Variants in AGO2 observed in about 807,000 individuals in gnomAD.
AGO2 encodes the protein protein argonaute-2.
In AGO2, 5 loss-of-function variants were observed where a neutral mutation model predicts 102.3. The observed-to-expected ratio is 0.05, with a 90% CI of 0.03 to 0.10. The LOEUF is 0.10. Among genes scored for constraint, AGO2 ranks in the 10% least tolerant of loss-of-function variants. AGO2 has a pLI of 1.00. For synonymous variants in AGO2, 449 were observed against 473.1 expected (o/e 0.95, Z 0.66); for missense variants, 541 against 1,183.7 (o/e 0.46, Z 7.97).
At chr8:140,615,070 T>C (rs1304354207) in intron 1 of AGO2, among the ~76,000 whole-genome samples, 2 of 152,170 alleles carry the variant, frequency 1.3e-5, no homozygotes, top group African/African-American at 4.8e-5. Context: ...AAACACAGCA[T>C]TTAAAACGTT....
intron 2 of AGO2, among the ~76,000 whole-genome samples, chr8:140,580,030 C>T (rs979758464): frequency 1.1e-5 from 1 of 89,802 alleles, no homozygotes; most frequent in East Asian, 2.0e-4. Flanking sequence ...GCAGCCCACC[C>T]GTGCTTCTCG....
intron 1 of AGO2, among the ~76,000 whole-genome samples, chr8:140,627,038 T>C (rs944526252): frequency 3.9e-5 from 6 of 152,020 alleles, no homozygotes; most frequent in Non-Finnish European, 7.4e-5. Flanking sequence ...ACACTGATCA[T>C]CCCGTCAATC....
intron 4 of AGO2, among the ~76,000 whole-genome samples, chr8:140,561,997 G>A (rs569846277): frequency 1.3e-5 from 2 of 152,188 alleles, no homozygotes; most frequent in African/African-American, 2.4e-5. Context: ...CCCAGCAATC[G>A]CAAGTGTGGC....
chr8:140,615,938 C>A (rs1399269330), intron 1 of AGO2, among the ~76,000 whole-genome samples: 3 of 152,200 alleles, frequency 2.0e-5, no homozygotes, highest in East Asian at 3.8e-4. Context: ...ATATCTGTTC[C>A]CATTCTGAGG....
intron 1 of AGO2, among the ~76,000 whole-genome samples, chr8:140,597,099 T>C (rs1169316132): frequency 4.6e-5 from 7 of 152,134 alleles, no homozygotes; most frequent in Non-Finnish European, 1.0e-4. Context: ...ACAGAGGAAC[T>C]GTATAGAAGA....
At chr8:140,612,306 ATC>A (rs1297953331) in intron 1 of AGO2, among the ~76,000 whole-genome samples, 2 of 149,042 alleles carry the variant, frequency 1.3e-5, no homozygotes, top group Non-Finnish European at 3.0e-5. Context: ...TGTTTTGATG[ATC>A]TGTGTGATTA....
rs1483601542 is a variant in AGO2, at chr8:140,595,951, T to TATATA, written c.23-10645_23-10641dup. Among the ~76,000 whole-genome samples, 2 of 127,048 alleles carry TATATA rather than the reference T, an allele frequency of 1.6e-5. 1 individual carries two copies. Among genetic ancestry groups the TATATA allele is most frequent in the African/African-American group, 5.9e-5 (2 of 33,616 alleles). The allele number at this position is 127,048 out of a possible 152,430, so 83.3% of individuals were successfully genotyped here. A position where few individuals can be genotyped will look rare whatever the true frequency, so the allele number is the denominator to read the frequency against. ...TATAAATTATATAATATATATTTTA[T>TATATA]ATATAATATATATAAATTATATATA... On this transcript the variant is annotated intron_variant, in intron 1 of 18. Coordinates refer to ENST00000220592, the MANE Select transcript of AGO2 (RefSeq NM_012154.5).
rs1299257723 is a variant in AGO2, at chr8:140,557,486, C to T, written c.879-250G>A. Among the ~76,000 whole-genome samples the T allele has an allele frequency of 2.0e-5, 3 of 152,204 alleles. No individual in the cohort carries two copies. Among genetic ancestry groups the T allele is most frequent in the Non-Finnish European group, 2.9e-5 (2 of 68,044 alleles). ...ATCATTACTCATAAATTATCCACAA[C>T]GTCACAGTGTGTGTAAAGGAGTCAG... On this transcript the variant is annotated intron_variant, in intron 7 of 18. Coordinates refer to ENST00000220592, the MANE Select transcript of AGO2 (RefSeq NM_012154.5). The surrounding 1 kb of genome is among the most constrained non-coding windows in gnomAD (Gnocchi z 5.9).
rs1310876596 is a variant in AGO2, at chr8:140,595,841, A to G, written c.23-10530T>C. Reference sequence around the variant, plus strand: ...TTATATTTATATTATATACAATTGTATATATTATATTTATATTATATACAA... The same window carrying G: ...TTATATTTATATTATATACAATTGTGTATATTATATTTATATTATATACAA... On this transcript the variant is annotated intron_variant, in intron 1 of 18. Coordinates refer to ENST00000220592, the MANE Select transcript of AGO2 (RefSeq NM_012154.5). Among the ~76,000 whole-genome samples the G allele has an allele frequency of 5.4e-5, 6 of 111,872 alleles. No homozygotes were observed. The East Asian group carries it at 1.1e-3, about 20-fold the overall frequency. The allele number at this position is 111,872 out of a possible 152,430, so 73.4% of individuals were successfully genotyped here.
intron 17 of AGO2, 52 bp from the exon 18 acceptor site, chr8:140,532,667 G>C (rs780875271): frequency 6.5e-7 from 1 of 1,533,550 alleles, no homozygotes; most frequent in Non-Finnish European, 9.0e-7. Context: ...ATCTTTAAAA[G>C]GATACTGTGG....
Position 140,547,596 on chromosome 8 carries a change from C to T in AGO2, c.1620G>A (p.Leu540=), listed in dbSNP as rs751224339. The part of the protein sequence containing the change: ...AEVKRVGDTV[L]GMATQCVQMK... ...TCTGCACGCACTGCGTGGCCATCCC[C>T]AGCACCGTGTCTCCCACGCGCTTGA... is the stretch of plus-strand genomic sequence containing the variant. The change falls in exon 13 of 19, where the codon CTG becomes CTA. Residue 540 remains leucine, a synonymous_variant. Transcript: ENST00000220592. 1 of 1,613,972 alleles carries T rather than the reference C, an allele frequency of 6.2e-7. No individual in the cohort carries two copies. Among genetic ancestry groups the T allele is most frequent in the South Asian group, 1.1e-5 (1 of 91,056 alleles).
chr8:140,524,615 G>A lies in AGO2; in HGVS notation c.*7429C>T, dbSNP rs1024679043. 1.3e-5 allele frequency: 2 copies of A among 152,338 alleles called. No homozygotes were observed. The highest frequency in any genetic ancestry group is 4.8e-5 in the African/African-American group (2 of 41,440). 9.4% of individuals were successfully genotyped at this position (152,338 alleles called of 1,614,324 possible). On this transcript the variant is annotated 3_prime_UTR_variant, in exon 19 of 19. Coordinates refer to ENST00000220592, the MANE Select transcript of AGO2 (RefSeq NM_012154.5). ...GATTCTGAAAGGACACTGAGGACCG[G>A]ACTTTAAAGGCACAGAGTCTGAGAC...
At chr8:140,537,439 C>T (rs1386494843) in intron 16 of AGO2, among the ~76,000 whole-genome samples, 2 of 151,978 alleles carry the variant, frequency 1.3e-5, no homozygotes, top group African/African-American at 2.4e-5. Flanking sequence ...GTAGCTGGGA[C>T]CATAGGCGTA....
intron 1 of AGO2, among the ~76,000 whole-genome samples, chr8:140,587,150 C>G (rs1050623677): frequency 6.6e-6 from 1 of 152,182 alleles, no homozygotes; most frequent in Non-Finnish European, 1.5e-5. Flanking sequence ...TCCTAAGAAG[C>G]CTTCCCCGAG....
chr8:140,536,203 G>A (rs1189993926), intron 16 of AGO2, among the ~76,000 whole-genome samples: 1 of 152,196 alleles, frequency 6.6e-6, no homozygotes, highest in Non-Finnish European at 1.5e-5. Context: ...CACGCCAGCA[G>A]CAAACCCCCA....
intron 1 of AGO2, among the ~76,000 whole-genome samples, chr8:140,623,725 C>T (rs548097938): frequency 6.6e-6 from 1 of 152,258 alleles, no homozygotes; most frequent in South Asian, 2.1e-4. Flanking sequence ...ATCATCACCC[C>T]TGCCAGGCCA....
chr8:140,590,505 T>G (rs2133027231), intron 1 of AGO2, among the ~76,000 whole-genome samples: 1 of 151,652 alleles, frequency 6.6e-6, no homozygotes, highest in East Asian at 1.9e-4. Flanking sequence ...GGTCCCAGGT[T>G]TCTGGCCACA....
chr8:140,544,611 T>C (rs938702190), intron 13 of AGO2, among the ~76,000 whole-genome samples: 5 of 152,068 alleles, frequency 3.3e-5, no homozygotes, highest in African/African-American at 1.2e-4. Flanking sequence ...CCTTCTACCC[T>C]CTACTCCCTC....
chr8:140,608,642 C>T (rs1269017812), intron 1 of AGO2, among the ~76,000 whole-genome samples: 1 of 152,210 alleles, frequency 6.6e-6, no homozygotes, highest in Non-Finnish European at 1.5e-5. Context: ...GGGCGGGCAC[C>T]AGCCAGGACA....
Sources: gnomAD v4.1 joint callset for allele counts (sites outside exome capture counted in the v4.1 genomes callset) on GRCh38, gnomAD v4.1.1 for gene constraint, Gnocchi (gnomAD v3.1) non-coding constraint, MANE v1.5 for transcripts, NCBI Gene and HGNC (gene_info 2026-07-23, HGNC 2026-07-21) for gene names.